The following ZBTB4 variants were observed in gnomAD, a reference collection of about 807,000 sequenced individuals.
ZBTB4 encodes the protein zinc finger and BTB domain-containing protein 4.
A neutral mutation model predicts 59.8 loss-of-function variants in ZBTB4; 14 were observed. The ratio of observed to expected loss-of-function variants is 0.23; its 90% CI spans 0.15 to 0.37. The LOEUF (loss-of-function observed/expected upper bound fraction) is 0.37. Among genes scored for constraint, ZBTB4 ranks in the 10% least tolerant of loss-of-function variants. The pLI is 1.00. For synonymous variants in ZBTB4, 587 were observed against 575.2 expected, an observed-to-expected ratio of 1.02 and a Z score of -0.29; for missense variants, 1,198 against 1,380.8, an observed-to-expected ratio of 0.87 and a Z score of 2.10.
upstream of ZBTB4, chr17:7,484,249 T>C (rs2070384182): frequency 6.2e-6 from 1 of 161,650 alleles, no homozygotes; most frequent in African/African-American, 2.4e-5. Flanking sequence ...CCCACGACTC[T>C]GGCTCGCACC....
At position 7,463,130 on chromosome 17, in the gene ZBTB4, T is replaced by C. The variant is rs949256206; in HGVS notation, c.1852A>G (p.Ile618Val). The change falls in exon 4 of 4, where the codon ATC becomes GTC. Residue 618 changes from isoleucine (I) to valine (V), a missense_variant. Coordinates refer to ENST00000380599, the MANE Select transcript of ZBTB4 (RefSeq NM_001128833.2). ...IGEEAIVKRR[I>V]SETDLRPGEL... ...CCAGGACGCAGGTCAGTCTCTGAGA[T>C]GCGGCGCTTGACGATGGCCTCCTCC... 3 of 1,608,888 alleles carry C rather than the reference T, an allele frequency of 1.9e-6. No homozygotes were observed. Among genetic ancestry groups the C allele is most frequent in the Admixed American group, 1.7e-5 (1 of 59,432 alleles).
intron 1 of ZBTB4, among the ~76,000 whole-genome samples, chr17:7,469,960 T>C (rs1013409711): frequency 1.3e-5 from 2 of 151,892 alleles, no homozygotes; most frequent in African/African-American, 4.8e-5. Context: ...CAGGCACCTG[T>C]AGTCCCAGCT....
chr17:7,462,307 T>G lies in ZBTB4; in HGVS notation c.2675A>C (p.Lys892Thr). The stretch of plus-strand genomic sequence containing the variant: ...CCCCACTGGCCCTTCACTCCCAGAT[T>G]TTCCCCTGCCACCGCCAGGTTCCCG... ...GGREPGGGRG[K>T]SGSEGPVGAG... Residue 892 changes from lysine to threonine, a missense_variant, in exon 4 of 4, where the codon AAA becomes ACA. Coordinates refer to ENST00000380599, the MANE Select transcript of ZBTB4 (RefSeq NM_001128833.2). This position sits in a 1 kb window ranked among gnomAD's most constrained non-coding sequence, Gnocchi z 7.5. The G allele has an allele frequency of 6.2e-7, 1 of 1,613,682 alleles. No individual in the cohort carries two copies. Among genetic ancestry groups the G allele is most frequent in the Non-Finnish European group, 8.5e-7 (1 of 1,179,842 alleles).
At chr17:7,481,889 CA>C, upstream of ZBTB4, 4 of 1,468,146 alleles carry the variant, frequency 2.7e-6, no homozygotes, top group Non-Finnish European at 3.6e-6. Context: ...CAACACTGTA[CA>C]GTCCCACAGG....
chr17:7,465,128 C>T (rs563073768), intron 3 of ZBTB4, among the ~76,000 whole-genome samples: 1 of 145,370 alleles, frequency 6.9e-6, no homozygotes, highest in Admixed American at 6.9e-5. Flanking sequence ...TGCACTCCAG[C>T]CTGGGCAACA....
chr17:7,472,864 G>A (rs969707220), intron 1 of ZBTB4, among the ~76,000 whole-genome samples: 8 of 150,926 alleles, frequency 5.3e-5, no homozygotes, highest in Non-Finnish European at 1.0e-4. Context: ...GGCTGGTCTC[G>A]AACTCCTGGG....
At chr17:7,482,014 G>A (rs1336850130), upstream of ZBTB4, 8 of 1,606,218 alleles carry the variant, frequency 5.0e-6, no homozygotes, top group East Asian at 1.1e-4. Context: ...ACTTGAACCC[G>A]CCTGACTCCA....
chr17:7,464,772 A>T (rs1229090626), intron 3 of ZBTB4, among the ~76,000 whole-genome samples: 1 of 147,538 alleles, frequency 6.8e-6, no homozygotes, highest in African/African-American at 2.5e-5. Context: ...CAGGAGGTAG[A>T]GGTTGCACTG....
In ZBTB4 at chr17:7,460,806, G is replaced by C. The variant is rs1439265095; in HGVS notation, c.*1134C>G. ...GGGGTGTAAGGTGCTATTTTGAAGGGAAAGTTGGTGGGGATACCCCAAAGC... is the reference window on the plus strand; with the variant it reads ...GGGGTGTAAGGTGCTATTTTGAAGGCAAAGTTGGTGGGGATACCCCAAAGC... On this transcript the variant is annotated 3_prime_UTR_variant, in exon 4 of 4. Coordinates refer to ENST00000380599, the MANE Select transcript of ZBTB4 (RefSeq NM_001128833.2). 1 of 152,614 alleles carries C rather than the reference G, an allele frequency of 6.6e-6. No homozygotes were observed. Among genetic ancestry groups the C allele is most frequent in the African/African-American group, 2.4e-5 (1 of 41,422 alleles). 9.5% of individuals were successfully genotyped at this position (152,614 alleles called of 1,614,324 possible).
intron 1 of ZBTB4, among the ~76,000 whole-genome samples, chr17:7,472,485 A>T (rs2070211582): frequency 6.6e-6 from 1 of 151,530 alleles, no homozygotes; most frequent in Non-Finnish European, 1.5e-5. Context: ...CACCGCGCCC[A>T]GCCTGGCTAA....
rs577970529 is a variant in ZBTB4, at chr17:7,461,266, C to T, written c.*674G>A. 1 of 152,834 alleles carries T rather than the reference C, an allele frequency of 6.5e-6. No individual in the cohort carries two copies. Among genetic ancestry groups the T allele is most frequent in the Admixed American group, 6.5e-5 (1 of 15,310 alleles). 9.5% of individuals were successfully genotyped at this position (152,834 alleles called of 1,614,324 possible). A position where few individuals can be genotyped will look rare whatever the true frequency, so the allele number is the denominator to read the frequency against. The stretch of plus-strand genomic sequence containing the variant: ...AGAGGGGCAGAGGGGCAACCCTCCC[C>T]CAAACCTCCTTGACCTGGCTTGGGA... On this transcript the variant is annotated 3_prime_UTR_variant, in exon 4 of 4. Coordinates refer to ENST00000380599, the MANE Select transcript of ZBTB4 (RefSeq NM_001128833.2).
chr17:7,465,068 A>G (rs1254873105), intron 3 of ZBTB4, among the ~76,000 whole-genome samples: 3 of 147,180 alleles, frequency 2.0e-5, no homozygotes, highest in East Asian at 2.1e-4. Context: ...AGGCAGGAGA[A>G]TGGCGTGAAC....
Position 7,461,013 on chromosome 17 carries a change from A to G in ZBTB4, c.*927T>C, listed in dbSNP as rs2070012063. ...GTCTAGTCTGGGAGAAACCATCAGG[A>G]AAAAAAAACAGGGAGAAAGTAGATT... On this transcript the variant is annotated 3_prime_UTR_variant, in exon 4 of 4. Coordinates refer to ENST00000380599, the MANE Select transcript of ZBTB4 (RefSeq NM_001128833.2). 3 of 151,690 alleles carry G rather than the reference A, an allele frequency of 2.0e-5. No individual in the cohort carries two copies. Among genetic ancestry groups the G allele is most frequent in the Admixed American group, 6.6e-5 (1 of 15,148 alleles). The allele number at this position is 151,690 out of a possible 1,614,324, so 9.4% of individuals were successfully genotyped here.
Position 7,465,985 on chromosome 17 carries a change from C to A in ZBTB4, c.817G>T (p.Ala273Ser), listed in dbSNP as rs566705405. 1.9e-6 allele frequency: 3 copies of A among 1,601,312 alleles called. No homozygotes were observed. In the African/African-American group the frequency reaches 4.0e-5, roughly 21 times the overall value. ...ACCCCTGCAGGACCACCAGGGCCAG[C>A]GCCCCCAGCTCCCAGCCCTGTAGAC... ...RGSTGLGAGG[A>S]GPGGPAGVDA... The change falls in exon 3 of 4, where the codon GCT becomes TCT. Residue 273 changes from alanine (A) to serine (S), a missense_variant. This residue lies in a region of ZBTB4 where 204 missense variants were observed against 205.5 expected (regional missense o/e 0.99). Coordinates refer to ENST00000380599, the MANE Select transcript of ZBTB4 (RefSeq NM_001128833.2).
At chr17:7,481,623 T>C, upstream of ZBTB4, 1 of 792,688 alleles carries the variant, frequency 1.3e-6, no homozygotes, top group South Asian at 2.3e-5. Flanking sequence ...TACCCACAAA[T>C]AGAATTCATA....
At chr17:7,465,493 G>A (rs2070106754) in intron 3 of ZBTB4, among the ~76,000 whole-genome samples, 2 of 150,648 alleles carry the variant, frequency 1.3e-5, no homozygotes, top group African/African-American at 4.9e-5. Context: ...AAAAAAAATT[G>A]TTTGTAGAGA....
rs201838522 is a variant in ZBTB4, at chr17:7,462,832, G to A, written c.2150C>T (p.Ala717Val). Residue 717 changes from alanine (A) to valine (V), a missense_variant, in exon 4 of 4, where the codon GCG becomes GTG. By Grantham distance (64) the Ala-to-Val change is moderately conservative. This residue lies in a region of ZBTB4 where 550 missense variants were observed against 541.8 expected (regional missense o/e 1.02). Coordinates refer to ENST00000380599, the MANE Select transcript of ZBTB4 (RefSeq NM_001128833.2). This position sits in a 1 kb window ranked among gnomAD's most constrained non-coding sequence, Gnocchi z 7.5. The stretch of plus-strand genomic sequence containing the variant: ...CCTCCGCTCTGTGCGGGCACGTCCC[G>A]CTGGGCTCTCGGCCGCTGGGGTTTC... ...WEETPAAESP[A>V]GRARTERRHR... 1.3e-4 allele frequency: 205 copies of A among 1,603,258 alleles called. No individual in the cohort carries two copies. Among genetic ancestry groups the A allele is most frequent in the Middle Eastern group, 6.6e-4 (4 of 6,062 alleles).
In ZBTB4 at chr17:7,460,084, A is replaced by G. The variant is rs1420470072; in HGVS notation, c.*1856T>C. On this transcript the variant is annotated 3_prime_UTR_variant, in exon 4 of 4. Coordinates refer to ENST00000380599, the MANE Select transcript of ZBTB4 (RefSeq NM_001128833.2). ...TTTTGCAGTTTTTCTAAAGTGCCAGAAACAAGATTTGTGGGAATTTTTAGT... is the reference window on the plus strand; with the variant it reads ...TTTTGCAGTTTTTCTAAAGTGCCAGGAACAAGATTTGTGGGAATTTTTAGT... 1 of 151,264 alleles carries G rather than the reference A, an allele frequency of 6.6e-6. No homozygotes were observed. Among genetic ancestry groups the G allele is most frequent in the Non-Finnish European group, 1.5e-5 (1 of 67,846 alleles). The allele number at this position is 151,264 out of a possible 1,614,324, so 9.4% of individuals were successfully genotyped here.
Position 7,462,052 on chromosome 17 carries a change from G to C in ZBTB4, c.2930C>G (p.Ala977Gly). 6.2e-7 allele frequency: 1 copy of C among 1,600,152 alleles called. No homozygotes were observed. The highest frequency in any genetic ancestry group is 8.5e-7 in the Non-Finnish European group (1 of 1,172,844). ...VFGYAVNPQA[A>G]PPAPPTPPPP... Reference sequence around the variant, plus strand: ...AGGTGGTGTTGGTGGGGCAGGGGGTGCTGCTTGAGGATTCACTGCGTAGCC... The same window carrying C: ...AGGTGGTGTTGGTGGGGCAGGGGGTCCTGCTTGAGGATTCACTGCGTAGCC... The change falls in exon 4 of 4, where the codon GCA becomes GGA. Residue 977 changes from alanine (A) to glycine (G), a missense_variant. Around this residue, in one of 9 missense-constraint regions of ZBTB4, gnomAD observed 211 missense variants for 236.1 expected, o/e 0.89. Coordinates refer to ENST00000380599, the MANE Select transcript of ZBTB4 (RefSeq NM_001128833.2). This position sits in a 1 kb window ranked among gnomAD's most constrained non-coding sequence, Gnocchi z 7.5.
Sources: allele counts gnomAD v4.1 joint callset (sites outside exome capture counted in the v4.1 genomes callset), GRCh38; gene constraint gnomAD v4.1.1; regional missense constraint gnomAD v4.1.1; non-coding constraint Gnocchi (gnomAD v3.1); transcripts MANE v1.5; gene names NCBI Gene and HGNC (gene_info 2026-07-23, HGNC 2026-07-21).